HECW2: variants seen among roughly 807,000 people sequenced by gnomAD.
HECW2 encodes the protein HECT, C2 and WW domain containing E3 ubiquitin protein ligase 2.
HECW2 carries 61 observed loss-of-function variants against 175.2 expected under a neutral mutation model. The ratio of observed to expected loss-of-function variants is 0.35; its 90% CI spans 0.28 to 0.43. The LOEUF is 0.43. Among genes scored for constraint, HECW2 ranks in the 20% least tolerant of loss-of-function variants. The pLI, the probability that HECW2 is intolerant of heterozygous loss-of-function variation, is 1.00. For missense variants in HECW2, 1,524 were observed against 2,000.5 expected (o/e 0.76, Z 4.54); for synonymous variants, 671 against 731.0 (o/e 0.92, Z 1.32).
chr2:196,450,489 A>ATTTT (rs34937207), intron 1 of HECW2, among the ~76,000 whole-genome samples: 2 of 135,498 alleles, frequency 1.5e-5, no homozygotes, highest in Admixed American at 7.4e-5. Context: ...CAAATATCAG[A>ATTTT]TTTTTTTTTT....
At chr2:196,271,165 T>A (rs12472825) in intron 17 of HECW2, 28 bp downstream of exon 17, 30,932 of 1,340,570 alleles carry the variant, frequency 0.023, 1,006 homozygotes, top group East Asian at 0.16. Context: ...CTTATGCAAC[T>A]TGAACCAAAT....
At chr2:196,437,096 G>A (rs1695899728) in intron 1 of HECW2, among the ~76,000 whole-genome samples, 1 of 151,966 alleles carries the variant, frequency 6.6e-6, no homozygotes, top group Non-Finnish European at 1.5e-5. Context: ...GATTTGTGAG[G>A]CAAAAGTTTG....
intron 17 of HECW2, among the ~76,000 whole-genome samples, chr2:196,267,274 A>C (rs978168197): frequency 2.0e-5 from 3 of 152,224 alleles, no homozygotes; most frequent in African/African-American, 7.2e-5. Flanking sequence ...AATTTTATTG[A>C]ATTTTTAAAT....
chr2:196,306,248 A>G (rs1443173507), intron 13 of HECW2, among the ~76,000 whole-genome samples: 1 of 152,182 alleles, frequency 6.6e-6, no homozygotes, highest in Non-Finnish European at 1.5e-5. Flanking sequence ...ATCATGAGAA[A>G]TAAATTTCTG....
In HECW2 at chr2:196,303,427, G is replaced by A. The variant is rs1006774982; in HGVS notation, c.2814+3061C>T. Among the ~76,000 whole-genome samples, 7 of 152,196 alleles carry A rather than the reference G, an allele frequency of 4.6e-5. 1 individual carries two copies. Among genetic ancestry groups the A allele is most frequent in the African/African-American group, 1.2e-4 (5 of 41,450 alleles). ...CAAGATGATGCTGGGCTCATAGAAT[G>A]AGTTAGGGAGGAGTCCTTCCTTTTC... On this transcript the variant is annotated intron_variant, in intron 13 of 28. Transcript: ENST00000644978.
At chr2:196,393,907 T>C (rs1694585921) in intron 2 of HECW2, among the ~76,000 whole-genome samples, 1 of 152,216 alleles carries the variant, frequency 6.6e-6, no homozygotes, top group African/African-American at 2.4e-5. Context: ...CCAACCCAAA[T>C]GTCCATCAAT....
At chr2:196,491,125 G>A (rs1293697729) in intron 1 of HECW2, among the ~76,000 whole-genome samples, 1 of 151,968 alleles carries the variant, frequency 6.6e-6, no homozygotes, top group Admixed American at 6.6e-5. Flanking sequence ...CCACAATAAA[G>A]TTGTAAGAAA....
At chr2:196,555,009 A>C (rs1244631190) in intron 1 of HECW2, among the ~76,000 whole-genome samples, 2 of 152,190 alleles carry the variant, frequency 1.3e-5, no homozygotes, top group African/African-American at 4.8e-5. Flanking sequence ...CTACTTTAAA[A>C]GGCCAAAGGG....
At chr2:196,475,982 C>G (rs1259916656) in intron 1 of HECW2, among the ~76,000 whole-genome samples, 1 of 152,238 alleles carries the variant, frequency 6.6e-6, no homozygotes. Flanking sequence ...CGCTGTGCCT[C>G]ACCATGTTCA....
At chr2:196,271,715 G>A (rs913170342) in intron 16 of HECW2, among the ~76,000 whole-genome samples, 11 of 151,982 alleles carry the variant, frequency 7.2e-5, no homozygotes, top group Non-Finnish European at 1.5e-4. Context: ...GACCAGCCTG[G>A]GCAACATAGT....
intron 21 of HECW2, among the ~76,000 whole-genome samples, chr2:196,230,467 T>C (rs1462950759): frequency 6.6e-6 from 1 of 152,180 alleles, no homozygotes; most frequent in Non-Finnish European, 1.5e-5. Flanking sequence ...GTTTAGCAGT[T>C]TCCATCTCCT....
chr2:196,340,931 G>A (rs201814501), intron 3 of HECW2, among the ~76,000 whole-genome samples: 18 of 146,166 alleles, frequency 1.2e-4, no homozygotes, highest in African/African-American at 2.3e-4. Context: ...ACGGAGAAAA[G>A]AAAAAAAAAA....
chr2:196,445,729 C>G (rs891473501), intron 1 of HECW2, among the ~76,000 whole-genome samples: 6 of 152,274 alleles, frequency 3.9e-5, no homozygotes, highest in African/African-American at 1.4e-4. Context: ...ATGAGAAAAT[C>G]TGAGGTGGAC....
chr2:196,427,226 G>T (rs1469611286), intron 2 of HECW2, among the ~76,000 whole-genome samples: 1 of 152,170 alleles, frequency 6.6e-6, no homozygotes, highest in South Asian at 2.1e-4. Context: ...TCTGTTCACA[G>T]ATCAGTAACA....
chr2:196,498,221 G>T (rs1010475797), intron 1 of HECW2, among the ~76,000 whole-genome samples: 1 of 151,932 alleles, frequency 6.6e-6, no homozygotes, highest in Non-Finnish European at 1.5e-5. Context: ...TCAGAGCCTG[G>T]TTTTTTTCAC....
At chr2:196,577,501 T>C (rs1010842474) in intron 1 of HECW2, among the ~76,000 whole-genome samples, 1 of 152,154 alleles carries the variant, frequency 6.6e-6, no homozygotes, top group African/African-American at 2.4e-5. Flanking sequence ...AAGAAAGATC[T>C]GGGGAATGAG....
chr2:196,352,288 T>G (rs1311945534), intron 2 of HECW2, among the ~76,000 whole-genome samples: 1 of 152,082 alleles, frequency 6.6e-6, no homozygotes, highest in Non-Finnish European at 1.5e-5. Context: ...GGCACCAGAA[T>G]GATTTGCTGA....
At chr2:196,472,846 C>A (rs927396814) in intron 1 of HECW2, among the ~76,000 whole-genome samples, 1 of 152,164 alleles carries the variant, frequency 6.6e-6, no homozygotes, top group African/African-American at 2.4e-5. Context: ...GTTCCGAACC[C>A]CTGATCTCAA....
intron 2 of HECW2, among the ~76,000 whole-genome samples, chr2:196,360,366 TA>T (rs1559066694): frequency 6.6e-6 from 1 of 152,038 alleles, no homozygotes. Flanking sequence ...TATGCAGCCA[TA>T]AAAAAGAATG....
Sources: allele counts gnomAD v4.1 joint callset (sites outside exome capture counted in the v4.1 genomes callset), GRCh38; gene constraint gnomAD v4.1.1; transcripts MANE v1.5; gene names NCBI Gene and HGNC (gene_info 2026-07-23, HGNC 2026-07-21).